ECHDC3: variants seen among roughly 807,000 people sequenced by gnomAD.
The protein encoded by ECHDC3 is enoyl-CoA hydratase domain-containing protein 3, mitochondrial.
In ECHDC3, 20 loss-of-function variants were observed where a neutral mutation model predicts 17.9. The observed-to-expected ratio is 1.12, with a 90% CI of 0.79 to 1.63. ECHDC3 has a LOEUF of 1.63. Among genes scored for constraint, ECHDC3 ranks in the 40% most tolerant of loss-of-function variants. ECHDC3 has a pLI of 0.00. For synonymous variants in ECHDC3, 177 were observed against 149.7 expected (o/e 1.18, Z -1.33); for missense variants, 407 against 357.7 (o/e 1.14, Z -1.11).
intron 2 of ECHDC3, among the ~76,000 whole-genome samples, chr10:11,748,441 G>T (rs1832785903): frequency 6.6e-6 from 1 of 152,058 alleles, no homozygotes; most frequent in African/African-American, 2.4e-5. Context: ...GCCCAGGCTG[G>T]TCTCGAACTC....
At chr10:11,751,663 C>T (rs572792763) in intron 3 of ECHDC3, among the ~76,000 whole-genome samples, 1 of 152,082 alleles carries the variant, frequency 6.6e-6, no homozygotes, top group Non-Finnish European at 1.5e-5. Context: ...ATATACAAAC[C>T]AGGAGTAGGG....
intron 4 of ECHDC3, among the ~76,000 whole-genome samples, chr10:11,756,577 G>A (rs1296369831): frequency 1.3e-5 from 2 of 152,200 alleles, no homozygotes; most frequent in South Asian, 2.1e-4. Context: ...TTGCAGAAAT[G>A]TGTGTTTGTG....
rs1554760083 is a variant in ECHDC3 at position 11,759,382 on chromosome 10, A to AAC, written c.591+3777_591+3778dup. 5.7e-3 allele frequency among the ~76,000 whole-genome samples: 765 copies of AAC among 134,370 alleles called. 16 individuals are homozygous for AAC. The highest frequency in any genetic ancestry group is 0.012 in the African/African-American group (417 of 35,208). 88.2% of individuals were successfully genotyped at this position (134,370 alleles called of 152,430 possible). A position where few individuals can be genotyped will look rare whatever the true frequency, so the allele number is the denominator to read the frequency against. ...AAAAAAAAAAAAAACAAAAAAAAAA[A>AAC]ACACGCAGTCCCAGAGAGCTGCCTT... On this transcript the variant is annotated intron_variant, in intron 4 of 4. Transcript: ENST00000379215.
chr10:11,744,290 A>G (rs1832731949), intron 1 of ECHDC3, among the ~76,000 whole-genome samples: 1 of 152,074 alleles, frequency 6.6e-6, no homozygotes, highest in Non-Finnish European at 1.5e-5. Flanking sequence ...AGTGGTTTCT[A>G]CTCTGTTTCT....
intron 3 of ECHDC3, chr10:11,752,112 A>C (rs1216086392): frequency 1.3e-5 from 2 of 151,346 alleles, no homozygotes; most frequent in African/African-American, 4.9e-5. Flanking sequence ...TATTTTAAAT[A>C]GTCTTTTTTT....
intron 3 of ECHDC3, among the ~76,000 whole-genome samples, chr10:11,751,369 C>G (rs1245568510): frequency 6.6e-6 from 1 of 152,122 alleles, no homozygotes; most frequent in Non-Finnish European, 1.5e-5. Context: ...AGGGCCTACC[C>G]CAAAGTAGTA....
intron 4 of ECHDC3, among the ~76,000 whole-genome samples, chr10:11,761,720 G>T (rs1433714795): frequency 6.6e-6 from 1 of 152,218 alleles, no homozygotes; most frequent in Non-Finnish European, 1.5e-5. Flanking sequence ...CAGCATGGAG[G>T]CCAGGTCCCA....
chr10:11,758,377 C>T (rs145138042), intron 4 of ECHDC3, among the ~76,000 whole-genome samples: 2 of 152,266 alleles, frequency 1.3e-5, no homozygotes, highest in Non-Finnish European at 2.9e-5. Flanking sequence ...CTGGAGAGCA[C>T]GTGGGAAATG....
At chr10:11,745,479 T>G (rs1408947594) in intron 1 of ECHDC3, among the ~76,000 whole-genome samples, 2 of 152,328 alleles carry the variant, frequency 1.3e-5, no homozygotes, top group Non-Finnish European at 2.9e-5. Context: ...GTGCAAGTAA[T>G]TTTTGTACTT....
rs146508606 is a variant in ECHDC3 at position 11,749,499 on chromosome 10, G to A, written c.297G>A (p.Glu99=). ...CTCAATTGGAAACATTTGCAGCTGA[G>A]GGGCCTGTGTTTTCTTCTGGGCATG... ...NDLKVIIISA[E]GPVFSSGHDL... is the part of the protein sequence containing the mutation. The change falls in exon 3 of 5, where the codon GAG becomes GAA. Residue 99 remains glutamate (E), a synonymous_variant. Coordinates refer to ENST00000379215, the MANE Select transcript of ECHDC3 (RefSeq NM_024693.5). The A allele has an allele frequency of 6.2e-7, 1 of 1,614,022 alleles. No homozygotes were observed.
In ECHDC3 at chr10:11,746,511, G is replaced by C. The variant is rs982782160; in HGVS notation, c.171-838G>C. 4.6e-5 allele frequency among the ~76,000 whole-genome samples: 7 copies of C among 152,242 alleles called. 1 individual carries two copies. The highest frequency in any genetic ancestry group is 1.4e-4 in the African/African-American group (6 of 41,530). On this transcript the variant is annotated intron_variant, in intron 1 of 4. Coordinates refer to ENST00000379215, the MANE Select transcript of ECHDC3 (RefSeq NM_024693.5). ...GATTTATCCTTTGTCATCCACAAAG[G>C]ATAAATGCTTGAAGGGATGGATACC... is the stretch of plus-strand genomic sequence containing the variant.
At chr10:11,757,940 A>C (rs1832901499) in intron 4 of ECHDC3, among the ~76,000 whole-genome samples, 1 of 152,188 alleles carries the variant, frequency 6.6e-6, no homozygotes, top group Non-Finnish European at 1.5e-5. Flanking sequence ...ATGTGAACCC[A>C]TCCACGGACA....
intron 1 of ECHDC3, chr10:11,747,135 G>A (rs1194652600): frequency 6.5e-6 from 3 of 463,062 alleles, no homozygotes; most frequent in Non-Finnish European, 1.1e-5. Flanking sequence ...AAGGGAAGAG[G>A]GAGGAAACCC....
Position 11,749,601 on chromosome 10 carries a change from A to G in ECHDC3, c.390+9A>G, listed in dbSNP as rs2133789051. 1.9e-6 allele frequency: 3 copies of G among 1,613,906 alleles called. No individual in the cohort carries two copies. Among genetic ancestry groups the G allele is most frequent in the Non-Finnish European group, 2.5e-6 (3 of 1,179,932 alleles). On this transcript the variant is annotated intron_variant, in intron 3 of 4. Coordinates refer to ENST00000379215, the MANE Select transcript of ECHDC3 (RefSeq NM_024693.5). ...TTCAGACCTGTTCCAAGGTAAGCCA[A>G]GACGACAGTCGACAGTGCAAACCTG...
intron 1 of ECHDC3, among the ~76,000 whole-genome samples, chr10:11,745,722 C>A (rs902109955): frequency 3.3e-5 from 5 of 152,274 alleles, no homozygotes; most frequent in Admixed American, 3.3e-4. Context: ...AGGTAGGAAA[C>A]CTGTAGGTGA....
At chr10:11,749,396 T>C in intron 2 of ECHDC3, 99 bp from the exon 3 acceptor site, 1 of 1,104,726 alleles carries the variant, frequency 9.1e-7, no homozygotes, top group Non-Finnish European at 1.3e-6. Flanking sequence ...TAAGTGAAAG[T>C]TTGCTGAAGT....
chr10:11,744,814 G>A (rs1356315706), intron 1 of ECHDC3, among the ~76,000 whole-genome samples: 1 of 152,210 alleles, frequency 6.6e-6, no homozygotes, highest in Non-Finnish European at 1.5e-5. Flanking sequence ...AGAGGGCCAG[G>A]TTTGAGAATG....
intron 3 of ECHDC3, among the ~76,000 whole-genome samples, chr10:11,753,257 C>G (rs1832847287): frequency 6.6e-6 from 1 of 151,978 alleles, no homozygotes; most frequent in African/African-American, 2.4e-5. Flanking sequence ...GTGGTGTACA[C>G]TTGTAATCCC....
chr10:11,763,164 T>G lies in ECHDC3; in HGVS notation c.592-60T>G, dbSNP rs144578281. On this transcript the variant is annotated intron_variant, in intron 4 of 4. Coordinates refer to ENST00000379215, the MANE Select transcript of ECHDC3 (RefSeq NM_024693.5). The surrounding 1 kb of genome is among the most constrained non-coding windows in gnomAD (Gnocchi z 4.9). Reference sequence around the variant, plus strand: ...GCAGGTCATTGAGCCGAGGCGGGACTCAGGTGGCGGGGGCGGGTCACAGGA... The same window carrying G: ...GCAGGTCATTGAGCCGAGGCGGGACGCAGGTGGCGGGGGCGGGTCACAGGA... 9.3e-4 allele frequency: 634 copies of G among 680,332 alleles called. 3 individuals are homozygous for G. The African/African-American group carries it at 0.01, about 11-fold the overall frequency. The allele number at this position is 680,332 out of a possible 1,614,324, so 42.1% of individuals were successfully genotyped here.
Sources: allele counts gnomAD v4.1 joint callset (sites outside exome capture counted in the v4.1 genomes callset), GRCh38; gene constraint gnomAD v4.1.1; non-coding constraint Gnocchi (gnomAD v3.1); transcripts MANE v1.5; gene names NCBI Gene and HGNC (gene_info 2026-07-23, HGNC 2026-07-21).